The following ZBTB32 variants were observed in gnomAD, a reference collection of about 807,000 sequenced individuals.
ZBTB32 encodes the protein zinc finger and BTB domain-containing protein 32.
A neutral mutation model predicts 45.3 loss-of-function variants in ZBTB32; 28 were observed. The observed-to-expected ratio is 0.62, with a 90% CI of 0.46 to 0.85. The LOEUF is 0.85. Ranked by LOEUF, ZBTB32 falls within the 40% of genes least tolerant of loss-of-function variation. ZBTB32 has a pLI of 0.00. For synonymous variants in ZBTB32, 283 were observed against 255.7 expected, an observed-to-expected ratio of 1.11 and a Z score of -1.02; for missense variants, 587 against 624.4, an observed-to-expected ratio of 0.94 and a Z score of 0.64.
In ZBTB32 at chr19:35,716,803, G is replaced by C. The variant is rs1388392228; in HGVS notation, c.*51G>C. ...AGAGTCCAATTAAAGAACGAAAAGCGGGCCGGCTCGGCTTCTGACCTGGCA... is the reference window on the plus strand; with the variant it reads ...AGAGTCCAATTAAAGAACGAAAAGCCGGCCGGCTCGGCTTCTGACCTGGCA... On this transcript the variant is annotated 3_prime_UTR_variant, in exon 7 of 7. Coordinates refer to ENST00000392197, the MANE Select transcript of ZBTB32 (RefSeq NM_014383.3). 6.4e-7 allele frequency: 1 copy of C among 1,557,386 alleles called. No homozygotes were observed. The highest frequency in any genetic ancestry group is 8.7e-7 in the Non-Finnish European group (1 of 1,148,022).
intron 1 of ZBTB32, among the ~76,000 whole-genome samples, chr19:35,710,630 C>T (rs1481718906): frequency 2.0e-5 from 3 of 151,876 alleles, no homozygotes; most frequent in African/African-American, 7.3e-5. Context: ...GGTGCATGCC[C>T]GTAACCCCAG....
At chr19:35,706,910 T>C (rs1290981690) in intron 1 of ZBTB32, among the ~76,000 whole-genome samples, 3 of 152,170 alleles carry the variant, frequency 2.0e-5, no homozygotes, top group Non-Finnish European at 4.4e-5. Context: ...GAGTGGCTTA[T>C]GAGTGGACTT....
Position 35,711,280 on chromosome 19 carries a change from G to A in ZBTB32, c.-221-1637G>A, listed in dbSNP as rs151136860. 4.6e-5 allele frequency among the ~76,000 whole-genome samples: 7 copies of A among 152,274 alleles called. No homozygotes were observed. In the East Asian group the frequency reaches 9.6e-4, roughly 21 times the overall value. On this transcript the variant is annotated intron_variant, in intron 1 of 6. Coordinates refer to ENST00000392197, the MANE Select transcript of ZBTB32 (RefSeq NM_014383.3). ...TGGGGCTAGTCCCTCAGGGCTTTCC[G>A]CACTCCTTCCTTGTCTTGAGGGACT...
chr19:35,708,161 C>T (rs763022589), intron 1 of ZBTB32, among the ~76,000 whole-genome samples: 7 of 152,188 alleles, frequency 4.6e-5, no homozygotes, highest in Non-Finnish European at 1.0e-4. Flanking sequence ...AGGTGTCTCA[C>T]ATTCTAGCCT....
intron 1 of ZBTB32, among the ~76,000 whole-genome samples, chr19:35,706,140 A>C (rs1220870648): frequency 1.3e-5 from 2 of 151,082 alleles, no homozygotes; most frequent in Non-Finnish European, 2.9e-5. Context: ...AGGCAGGAGA[A>C]TCGCTTGTAC....
intron 1 of ZBTB32, among the ~76,000 whole-genome samples, chr19:35,712,024 CAA>C (rs773746029): frequency 1.1e-4 from 6 of 54,840 alleles, no homozygotes; most frequent in African/African-American, 3.3e-4. Flanking sequence ...GACTGCGTCT[CAA>C]AAAAAAAAAA....
At chr19:35,708,588 C>A (rs1481143900) in intron 1 of ZBTB32, among the ~76,000 whole-genome samples, 1 of 152,092 alleles carries the variant, frequency 6.6e-6, no homozygotes, top group Non-Finnish European at 1.5e-5. Flanking sequence ...TGCAGTGAAA[C>A]CTGTTTTCCA....
chr19:35,716,596 C>T lies in ZBTB32; in HGVS notation c.1308C>T (p.Gly436=). The T allele has an allele frequency of 1.2e-6, 2 of 1,613,146 alleles. No homozygotes were observed. The highest frequency in any genetic ancestry group is 1.7e-6 in the Non-Finnish European group (2 of 1,179,908). ...APYRCSLCGA[G]CPSLASMQAH... is the part of the protein sequence containing the mutation. ...ACCGCTGCTCCCTGTGCGGGGCCGG[C>T]TGTCCCAGCCTGGCCTCCATGCAGG... The change falls in exon 7 of 7, where the codon GGC becomes GGT. Residue 436 remains glycine, a synonymous_variant. Coordinates refer to ENST00000392197, the MANE Select transcript of ZBTB32 (RefSeq NM_014383.3).
At position 35,716,900 on chromosome 19, in the gene ZBTB32, G is replaced by C; in HGVS notation, c.*148G>C. Reference sequence around the variant, plus strand: ...GAAGGGCGCCGAGTGCCCTCTCCTGGACGATCGCGGGTCGCAGAAGCCCAG... The same window carrying C: ...GAAGGGCGCCGAGTGCCCTCTCCTGCACGATCGCGGGTCGCAGAAGCCCAG... On this transcript the variant is annotated 3_prime_UTR_variant, in exon 7 of 7. Transcript: ENST00000392197. 1.1e-6 allele frequency: 1 copy of C among 912,914 alleles called. No individual in the cohort carries two copies. Among genetic ancestry groups the C allele is most frequent in the South Asian group, 1.7e-5 (1 of 58,562 alleles). 56.6% of individuals were successfully genotyped at this position (912,914 alleles called of 1,614,324 possible). A position where few individuals can be genotyped will look rare whatever the true frequency, so the allele number is the denominator to read the frequency against.
chr19:35,706,340 G>A (rs1968542382), intron 1 of ZBTB32, among the ~76,000 whole-genome samples: 1 of 152,052 alleles, frequency 6.6e-6, no homozygotes, highest in African/African-American at 2.4e-5. Flanking sequence ...ATATCAGGCT[G>A]TAGGTGCGGG....
chr19:35,716,573 C>T lies in ZBTB32; in HGVS notation c.1285C>T (p.Arg429Cys). 2 of 1,613,298 alleles carry T rather than the reference C, an allele frequency of 1.2e-6. No homozygotes were observed. The highest frequency in any genetic ancestry group is 2.2e-5 in the South Asian group (2 of 91,056). The part of the protein sequence containing the change: ...HLRTHGAAPY[R>C]CSLCGAGCPS... ...GCGGACACACGGGGCCGCTCCGTAC[C>T]GCTGCTCCCTGTGCGGGGCCGGCTG... The change falls in exon 7 of 7, where the codon CGC (arginine) becomes TGC (cysteine). Residue 429 changes from arginine (R) to cysteine (C), a missense_variant. Arg to Cys is a radical substitution (Grantham distance 180, BLOSUM62 -3). Transcript: ENST00000392197.
Position 35,716,123 on chromosome 19 carries a change from GTC to G in ZBTB32, c.1025-9_1025-8del. The G allele has an allele frequency of 6.2e-7, 1 of 1,613,226 alleles. No homozygotes were observed. Among genetic ancestry groups the G allele is most frequent in the African/African-American group, 1.3e-5 (1 of 74,996 alleles). The stretch of plus-strand genomic sequence containing the variant: ...GGCCCTGCCCTCCTTTGCCTTCTCT[GTC>G]CCCACAGGCGCACTTGCAACCTGTG... On this transcript the variant is annotated splice_polypyrimidine_tract_variant and splice_region_variant and intron_variant, in intron 5 of 6. Transcript: ENST00000392197.
chr19:35,710,496 C>T (rs564487320), intron 1 of ZBTB32, among the ~76,000 whole-genome samples: 13 of 152,060 alleles, frequency 8.5e-5, no homozygotes, highest in Non-Finnish European at 1.5e-4. Flanking sequence ...ACAGACCAGG[C>T]ATGGTGGCTC....
intron 1 of ZBTB32, among the ~76,000 whole-genome samples, 195 bp from the exon 2 acceptor site, chr19:35,712,722 A>T (rs2146415787): frequency 6.6e-6 from 1 of 152,264 alleles, no homozygotes; most frequent in African/African-American, 2.4e-5. Context: ...GAAGACCACC[A>T]CACGTCCTTC....
At chr19:35,710,096 A>G (rs1968648718) in intron 1 of ZBTB32, among the ~76,000 whole-genome samples, 1 of 151,470 alleles carries the variant, frequency 6.6e-6, no homozygotes, top group African/African-American at 2.4e-5. Flanking sequence ...CTGTAATCCC[A>G]GCTACTTGGG....
intron 2 of ZBTB32, chr19:35,713,396 G>C (rs934676682): frequency 2.0e-5 from 3 of 152,480 alleles, no homozygotes; most frequent in African/African-American, 7.2e-5. Context: ...TCCAGGGGGG[G>C]CCCCAGGAGC....
rs1340422260 is a variant in ZBTB32 at position 35,704,611 on chromosome 19, A to C, written c.-234A>C. 1 of 152,358 alleles carries C rather than the reference A, an allele frequency of 6.6e-6. No individual in the cohort carries two copies. Among genetic ancestry groups the C allele is most frequent in the African/African-American group, 2.4e-5 (1 of 41,456 alleles). The allele number at this position is 152,358 out of a possible 1,614,324, so 9.4% of individuals were successfully genotyped here. ...GTGAGGCTGAAAGGGAAGGAGGAAC[A>C]GGGTCTGGGCCGGTGAGTGCCATAG... On this transcript the variant is annotated 5_prime_UTR_variant, in exon 1 of 7. Transcript: ENST00000392197.
chr19:35,707,985 AAAAAG>A (rs1968591694), intron 1 of ZBTB32, among the ~76,000 whole-genome samples: 3 of 151,842 alleles, frequency 2.0e-5, no homozygotes, highest in Admixed American at 2.0e-4. Context: ...CTGTCTCAAT[AAAAAG>A]AAGAGTTAGT....
intron 1 of ZBTB32, among the ~76,000 whole-genome samples, chr19:35,711,861 C>T (rs964310122): frequency 6.6e-6 from 1 of 151,596 alleles, no homozygotes. Context: ...CCTGTCACTA[C>T]TAAAAGTACA....
Sources: gnomAD v4.1 joint callset for allele counts (sites outside exome capture counted in the v4.1 genomes callset) on GRCh38, gnomAD v4.1.1 for gene constraint, MANE v1.5 for transcripts, NCBI Gene and HGNC (gene_info 2026-07-23, HGNC 2026-07-21) for gene names.